The following PTPN14 variants were observed in gnomAD, a reference collection of about 807,000 sequenced individuals.
The protein encoded by PTPN14 is protein tyrosine phosphatase non-receptor type 14, also known as tyrosine-protein phosphatase non-receptor type 14.
In PTPN14, 53 loss-of-function variants were observed where a neutral mutation model predicts 126.8. The observed-to-expected ratio is 0.42, with a 90% confidence interval of 0.34 to 0.53. The LOEUF (loss-of-function observed/expected upper bound fraction) is 0.53, where lower values mean the gene tolerates loss of function less well. PTPN14 is among the 20% of genes least tolerant of loss of function. The probability of loss-of-function intolerance (pLI) is 0.08; values close to 1 mark genes in which losing one functional copy is unlikely to be tolerated. For missense variants in PTPN14, 1,257 were observed against 1,552.9 expected, an observed-to-expected ratio of 0.81 and a Z score of 3.20; for synonymous variants, 630 against 599.3, an observed-to-expected ratio of 1.05 and a Z score of -0.75.
intron 3 of PTPN14, among the ~76,000 whole-genome samples, chr1:214,441,200 G>C (rs952719850): frequency 1.3e-4 from 20 of 152,286 alleles, no homozygotes; most frequent in African/African-American, 4.3e-4. Flanking sequence ...ACTTTATAGA[G>C]TTCTAGTGAA....
chr1:214,387,788 G>C (rs890002933), intron 11 of PTPN14, among the ~76,000 whole-genome samples: 1 of 152,048 alleles, frequency 6.6e-6, no homozygotes, highest in African/African-American at 2.4e-5. Context: ...CCATTCACAA[G>C]CTCCTACACA....
At chr1:214,504,325 C>T (rs1391451789) in intron 1 of PTPN14, among the ~76,000 whole-genome samples, 2 of 151,988 alleles carry the variant, frequency 1.3e-5, no homozygotes, top group African/African-American at 4.8e-5. Context: ...TGGCAAGCAC[C>T]GGGCAATGGG....
intron 13 of PTPN14, among the ~76,000 whole-genome samples, chr1:214,378,812 CCCAACACAA>C (rs1658406089): frequency 6.6e-6 from 1 of 152,166 alleles, no homozygotes; most frequent in Non-Finnish European, 1.5e-5. Flanking sequence ...GACGGTGCCT[CCCAACACAA>C]ATGGTGGGAC....
At chr1:214,522,788 C>T (rs545800452) in intron 1 of PTPN14, among the ~76,000 whole-genome samples, 1 of 152,310 alleles carries the variant, frequency 6.6e-6, no homozygotes, top group African/African-American at 2.4e-5. Flanking sequence ...AAACAAAAGA[C>T]AACCAATTGT....
At chr1:214,366,191 A>G (rs1315991739) in intron 17 of PTPN14, among the ~76,000 whole-genome samples, 1 of 152,184 alleles carries the variant, frequency 6.6e-6, no homozygotes, top group Non-Finnish European at 1.5e-5. Context: ...TTAAAAAAAG[A>G]AAAAGAAAAG....
intron 3 of PTPN14, among the ~76,000 whole-genome samples, chr1:214,420,442 C>T (rs1478654725): frequency 6.6e-6 from 1 of 152,016 alleles, no homozygotes; most frequent in East Asian, 1.9e-4. Context: ...CAAAGGATTG[C>T]AATTATTTCC....
At chr1:214,493,696 C>T (rs1233191238) in intron 1 of PTPN14, among the ~76,000 whole-genome samples, 1 of 152,132 alleles carries the variant, frequency 6.6e-6, no homozygotes, top group African/African-American at 2.4e-5. Flanking sequence ...GACAATGATA[C>T]ATGCTAACAT....
At chr1:214,413,763 C>T (rs922464712) in intron 4 of PTPN14, among the ~76,000 whole-genome samples, 5 of 152,158 alleles carry the variant, frequency 3.3e-5, no homozygotes, top group African/African-American at 1.2e-4. Flanking sequence ...CCACCTCCCA[C>T]GTTCAAGCGA....
intron 3 of PTPN14, among the ~76,000 whole-genome samples, chr1:214,423,187 G>A (rs919551977): frequency 7.9e-5 from 12 of 152,060 alleles, no homozygotes; most frequent in African/African-American, 2.4e-4. Flanking sequence ...CTAGCTGGAC[G>A]TGATGGCATG....
intron 3 of PTPN14, among the ~76,000 whole-genome samples, chr1:214,451,124 G>A: frequency 6.6e-6 from 1 of 151,454 alleles, no homozygotes; most frequent in East Asian, 1.9e-4. Context: ...GAAAAGGGTG[G>A]ACAAAACAGA....
intron 1 of PTPN14, chr1:214,530,358 A>G (rs1469279776): frequency 5.7e-5 from 6 of 105,310 alleles, no homozygotes; most frequent in Admixed American, 4.1e-4. Context: ...TTTTTTTTTG[A>G]GACAGGGTCT....
At chr1:214,437,613 T>C (rs1659948716) in intron 3 of PTPN14, among the ~76,000 whole-genome samples, 1 of 152,196 alleles carries the variant, frequency 6.6e-6, no homozygotes, top group Non-Finnish European at 1.5e-5. Context: ...ACAATCAAAC[T>C]GTACAAAATT....
At chr1:214,520,754 A>G (rs1655235207) in intron 1 of PTPN14, among the ~76,000 whole-genome samples, 1 of 152,118 alleles carries the variant, frequency 6.6e-6, no homozygotes, top group Non-Finnish European at 1.5e-5. Flanking sequence ...TATTGGGATC[A>G]GTCTTGTGTT....
At chr1:214,401,260 A>G (rs1659009231) in intron 7 of PTPN14, among the ~76,000 whole-genome samples, 2 of 152,248 alleles carry the variant, frequency 1.3e-5, no homozygotes, top group African/African-American at 4.8e-5. Context: ...GCATGATTGT[A>G]TACAAGAAAC....
At chr1:214,495,946 C>T (rs1449817817) in intron 1 of PTPN14, among the ~76,000 whole-genome samples, 2 of 152,074 alleles carry the variant, frequency 1.3e-5, no homozygotes, top group African/African-American at 2.4e-5. Context: ...CGCCCTGCCT[C>T]GGCCTCCCAA....
At chr1:214,517,506 A>T (rs1331924360) in intron 1 of PTPN14, among the ~76,000 whole-genome samples, 1 of 151,524 alleles carries the variant, frequency 6.6e-6, no homozygotes, top group Non-Finnish European at 1.5e-5. Flanking sequence ...AAAAAACATA[A>T]AGTAAGAAAT....
Position 214,383,226 on chromosome 1 carries a change from TCCCTGCATAA to T in PTPN14, c.2544+75_2544+84del. 1 of 1,464,274 alleles carries T rather than the reference TCCCTGCATAA, an allele frequency of 6.8e-7. No homozygotes were observed. Among genetic ancestry groups the T allele is most frequent in the Non-Finnish European group, 9.2e-7 (1 of 1,082,534 alleles). The allele number at this position is 1,464,274 out of a possible 1,614,324, so 90.7% of individuals were successfully genotyped here. On this transcript the variant is annotated intron_variant, in intron 13 of 18. Coordinates refer to ENST00000366956, the MANE Select transcript of PTPN14 (RefSeq NM_005401.5). This position sits in a 1 kb window ranked among gnomAD's most constrained non-coding sequence, Gnocchi z 4.4. ...ATGATTCCTTAAAAACCTACCACGT[TCCCTGCATAA>T]GCCCTGCCCCTTGCTCAGTGCCTGA...
At position 214,521,647 on chromosome 1, in the gene PTPN14, G is replaced by A. The variant is rs113301796; in HGVS notation, c.-155+29536C>T. ...GGAGAACCGCCTGAACCAGGGAGGC[G>A]GAGGTTGCAGTGAGCCGAGATAGCG... On this transcript the variant is annotated intron_variant, in intron 1 of 18. Coordinates refer to ENST00000366956, the MANE Select transcript of PTPN14 (RefSeq NM_005401.5). 7.3e-3 allele frequency among the ~76,000 whole-genome samples: 1,103 copies of A among 152,114 alleles called. 13 individuals are homozygous for A. Among genetic ancestry groups the A allele is most frequent in the African/African-American group, 0.025 (1,058 of 41,514 alleles).
At chr1:214,458,102 T>G (rs1402437480) in intron 2 of PTPN14, among the ~76,000 whole-genome samples, 1 of 151,918 alleles carries the variant, frequency 6.6e-6, no homozygotes, top group Non-Finnish European at 1.5e-5. Flanking sequence ...CAGGCTGGAG[T>G]GCAGTAGTAT....
Sources: gnomAD v4.1 joint callset for allele counts (sites outside exome capture counted in the v4.1 genomes callset) on GRCh38, gnomAD v4.1.1 for gene constraint, Gnocchi (gnomAD v3.1) non-coding constraint, MANE v1.5 for transcripts, NCBI Gene and HGNC (gene_info 2026-07-23, HGNC 2026-07-21) for gene names.